The following SMARCD2 variants were observed in gnomAD, a reference collection of about 807,000 sequenced individuals.
The protein encoded by SMARCD2 is SWI/SNF related BAF chromatin remodeling complex subunit D2, also known as SWI/SNF-related matrix-associated actin-dependent regulator of chromatin subfamily D member 2.
SMARCD2 carries 39 observed loss-of-function variants against 70.4 expected under a neutral mutation model. That is an observed-to-expected ratio of 0.55 (90% confidence interval 0.43 to 0.72). The LOEUF (loss-of-function observed/expected upper bound fraction) is 0.72. SMARCD2 is among the 30% of genes least tolerant of loss of function. SMARCD2 has a pLI of 0.00. For synonymous variants in SMARCD2, 249 were observed against 279.4 expected (o/e 0.89, Z 1.08); for missense variants, 540 against 713.4 (o/e 0.76, Z 2.77).
rs2040283926 is a variant in SMARCD2 at position 63,837,662 on chromosome 17, G to A, written c.217-37C>T. On this transcript the variant is annotated intron_variant, in intron 1 of 12. Transcript: ENST00000448276. The surrounding 1 kb of genome is among the most constrained non-coding windows in gnomAD (Gnocchi z 6.4). ...GAGCCAACGGGGGTGCATAGGTCAGGGGCAAGGCCCTCCGGGACCCATAGC... is the reference window on the plus strand; with the variant it reads ...GAGCCAACGGGGGTGCATAGGTCAGAGGCAAGGCCCTCCGGGACCCATAGC... 1 of 1,579,990 alleles carries A rather than the reference G, an allele frequency of 6.3e-7. No individual in the cohort carries two copies. The highest frequency in any genetic ancestry group is 1.3e-5 in the African/African-American group (1 of 74,184).
intron 5 of SMARCD2, 92 bp downstream of exon 5, chr17:63,835,320 G>A: frequency 1.5e-6 from 2 of 1,339,906 alleles, no homozygotes; most frequent in South Asian, 2.8e-5. Context: ...ATGGGGTCTG[G>A]CTCTGCTGCT....
intron 4 of SMARCD2, among the ~76,000 whole-genome samples, chr17:63,836,581 T>G (rs2040269078): frequency 6.6e-6 from 1 of 151,510 alleles, no homozygotes; most frequent in Non-Finnish European, 1.5e-5. Context: ...TATCCCCTAG[T>G]CTAGTGGTTT....
chr17:63,836,895 G>A (rs1480062372), intron 4 of SMARCD2, 27 bp downstream of exon 4: 2 of 1,601,288 alleles, frequency 1.2e-6, no homozygotes, highest in Non-Finnish European at 1.7e-6. Context: ...ACCTGGGAAG[G>A]CTAGAGGTGG....
At position 63,837,150 on chromosome 17, in the gene SMARCD2, AG is replaced by A. The variant is rs1053674426; in HGVS notation, c.444+44del. On this transcript the variant is annotated intron_variant, in intron 3 of 12. Transcript: ENST00000448276. The surrounding 1 kb of genome is among the most constrained non-coding windows in gnomAD (Gnocchi z 6.4). Reference sequence around the variant, plus strand: ...TTGAGAGAGATGGACACCCACCCCAAGGTGGCCACTGGGCAGGCCTCCCAGG... The same window carrying A: ...TTGAGAGAGATGGACACCCACCCCAAGTGGCCACTGGGCAGGCCTCCCAGG... The A allele has an allele frequency of 1.9e-6, 3 of 1,609,202 alleles. No individual in the cohort carries two copies. The highest frequency in any genetic ancestry group is 2.6e-6 in the Non-Finnish European group (3 of 1,175,848).
At position 63,837,248 on chromosome 17, in the gene SMARCD2, C is replaced by G; in HGVS notation, c.402-11G>C. 1 of 1,613,332 alleles carries G rather than the reference C, an allele frequency of 6.2e-7. No individual in the cohort carries two copies. Among genetic ancestry groups the G allele is most frequent in the East Asian group, 2.2e-5 (1 of 44,860 alleles). On this transcript the variant is annotated splice_polypyrimidine_tract_variant and intron_variant, in intron 2 of 12. Transcript: ENST00000448276. This position sits in a 1 kb window ranked among gnomAD's most constrained non-coding sequence, Gnocchi z 6.4. ...TTCCTCCTCTTTAACCTGGGGAGGACAGAAACCCACTTAAGAGGTCAATGG... is the reference window on the plus strand; with the variant it reads ...TTCCTCCTCTTTAACCTGGGGAGGAGAGAAACCCACTTAAGAGGTCAATGG...
intron 1 of SMARCD2, among the ~76,000 whole-genome samples, chr17:63,841,992 C>G (rs977741825): frequency 6.6e-6 from 1 of 152,200 alleles, no homozygotes. Flanking sequence ...TATTAGCAGC[C>G]GGGAGCCATC....
At chr17:63,835,936 C>T (rs2040260143) in intron 4 of SMARCD2, among the ~76,000 whole-genome samples, 4 of 152,020 alleles carry the variant, frequency 2.6e-5, no homozygotes, top group Admixed American at 2.6e-4. Context: ...AACATGTTGG[C>T]CATGCTGGTC....
At position 63,834,688 on chromosome 17, in the gene SMARCD2, C is replaced by T. The variant is rs376507169; in HGVS notation, c.819+17G>A. ...AACCTGCACATCAGCCTGCTTTTGCCCCAGGCCCACTCTCACCTCCACCAG... is the reference window on the plus strand; with the variant it reads ...AACCTGCACATCAGCCTGCTTTTGCTCCAGGCCCACTCTCACCTCCACCAG... On this transcript the variant is annotated intron_variant, in intron 6 of 12. Transcript: ENST00000448276. This position sits in a 1 kb window ranked among gnomAD's most constrained non-coding sequence, Gnocchi z 5.6. 1.0e-5 allele frequency: 16 copies of T among 1,603,614 alleles called. No homozygotes were observed. The highest frequency in any genetic ancestry group is 1.7e-4 in the Middle Eastern group (1 of 6,046).
At position 63,834,578 on chromosome 17, in the gene SMARCD2, G is replaced by A. The variant is rs950120876; in HGVS notation, c.820-3C>T. 1 of 1,600,496 alleles carries A rather than the reference G, an allele frequency of 6.2e-7. No individual in the cohort carries two copies. The highest frequency in any genetic ancestry group is 8.5e-7 in the Non-Finnish European group (1 of 1,170,834). On this transcript the variant is annotated splice_polypyrimidine_tract_variant and splice_region_variant and intron_variant, in intron 6 of 12. Coordinates refer to ENST00000448276, the MANE Select transcript of SMARCD2 (RefSeq NM_001098426.2). This position sits in a 1 kb window ranked among gnomAD's most constrained non-coding sequence, Gnocchi z 5.6. ...TGGGTGGTGGGCATCCGGTGCCACT[G>A]GCAGGGAGGGAAGCATGGCTTATCA...
rs1904516840 is a variant in SMARCD2, at chr17:63,842,623, C to T, written c.52G>A (p.Gly18Ser). The stretch of plus-strand genomic sequence containing the variant: ...CCCAGGGCCGCAGCCACGGCGCCGC[C>T]GCCAGGGCTTAGCGGGGGCAGCGGG... Reference protein sequence around the residue: ...GFPLPPLSPGGGAVAAALGAP... With the variant: ...GFPLPPLSPGSGAVAAALGAP... The change falls in exon 1 of 13, where the codon GGC becomes AGC. Residue 18 changes from glycine to serine, a missense_variant. Coordinates refer to ENST00000448276, the MANE Select transcript of SMARCD2 (RefSeq NM_001098426.2). The T allele has an allele frequency of 3.2e-6, 4 of 1,238,528 alleles. No individual in the cohort carries two copies. Among genetic ancestry groups the T allele is most frequent in the Non-Finnish European group, 4.0e-6 (4 of 992,020 alleles). The allele number at this position is 1,238,528 out of a possible 1,614,324, so 76.7% of individuals were successfully genotyped here.
At chr17:63,841,388 G>A (rs758289644) in intron 1 of SMARCD2, among the ~76,000 whole-genome samples, 3 of 152,244 alleles carry the variant, frequency 2.0e-5, no homozygotes, top group African/African-American at 4.8e-5. Context: ...CGAAAACAGA[G>A]GAAGCCCACA....
At position 63,834,308 on chromosome 17, in the gene SMARCD2, G is replaced by T; in HGVS notation, c.942C>A (p.Asp314Glu). The T allele has an allele frequency of 6.2e-7, 1 of 1,612,504 alleles. No homozygotes were observed. The highest frequency in any genetic ancestry group is 8.5e-7 in the Non-Finnish European group (1 of 1,179,096). Residue 314 changes from aspartate to glutamate, a missense_variant, in exon 8 of 13, where the codon GAC becomes GAA. Asp to Glu is a conservative substitution (Grantham distance 45). Transcript: ENST00000448276. The surrounding 1 kb of genome is among the most constrained non-coding windows in gnomAD (Gnocchi z 5.6). ...CTCCCAGCAGCCTTGCCAATCGGGG[G>T]TCCAATTTGTACTGGGGAGGCTGGA... ...LDHQPPQYKLDPRLARLLGVH... is the reference protein window; with the variant it reads ...LDHQPPQYKLEPRLARLLGVH...
At chr17:63,835,629 G>C (rs140660161) in intron 4 of SMARCD2, 62 bp from the exon 5 acceptor site, 3 of 1,520,488 alleles carry the variant, frequency 2.0e-6, no homozygotes, top group African/African-American at 1.4e-5. Flanking sequence ...CAGTGCTACC[G>C]CATCTTCTCA....
In SMARCD2 at chr17:63,841,592, ACACTGAGCAG is replaced by A. The variant is rs138706136; in HGVS notation, c.216+857_216+866del. Among the ~76,000 whole-genome samples, 1,488 of 152,382 alleles carry A rather than the reference ACACTGAGCAG, an allele frequency of 9.8e-3. 17 individuals are homozygous for A. Among genetic ancestry groups the A allele is most frequent in the African/African-American group, 0.034 (1,426 of 41,590 alleles). ...GGCAGGGTCAGGCTGAGGTCCTCAC[ACACTGAGCAG>A]AAGTCGCTGCTTTGCAAGGGCTTTT... is the stretch of plus-strand genomic sequence containing the variant. On this transcript the variant is annotated intron_variant, in intron 1 of 12. Coordinates refer to ENST00000448276, the MANE Select transcript of SMARCD2 (RefSeq NM_001098426.2).
Position 63,832,804 on chromosome 17 carries a change from T to C in SMARCD2, c.*134A>G. ...ACAAGGAATCCTATCACTACATTTA[T>C]AAGACTAAAGCTGGAGAGTAGAGGG... On this transcript the variant is annotated 3_prime_UTR_variant, in exon 13 of 13. Coordinates refer to ENST00000448276, the MANE Select transcript of SMARCD2 (RefSeq NM_001098426.2). The C allele has an allele frequency of 2.6e-6, 2 of 760,188 alleles. No homozygotes were observed. The highest frequency in any genetic ancestry group is 4.5e-6 in the Non-Finnish European group (2 of 443,484). The allele number at this position is 760,188 out of a possible 1,614,324, so 47.1% of individuals were successfully genotyped here.
chr17:63,841,526 C>G (rs1197526565), intron 1 of SMARCD2, among the ~76,000 whole-genome samples: 1 of 152,244 alleles, frequency 6.6e-6, no homozygotes, highest in Non-Finnish European at 1.5e-5. Context: ...GGCACAGTTT[C>G]CAAGCCCTCT....
chr17:63,837,348 A>G lies in SMARCD2; in HGVS notation c.401+93T>C. 6.6e-7 allele frequency: 1 copy of G among 1,521,958 alleles called. No individual in the cohort carries two copies. The highest frequency in any genetic ancestry group is 9.1e-7 in the Non-Finnish European group (1 of 1,097,156). The allele number at this position is 1,521,958 out of a possible 1,614,324, so 94.3% of individuals were successfully genotyped here. A position where few individuals can be genotyped will look rare whatever the true frequency, so the allele number is the denominator to read the frequency against. ...CTCTCCCCCAGGAGAGCCTGGAGTC[A>G]TCCTCAGTCACCAAAGCTCTTAAGA... is the stretch of plus-strand genomic sequence containing the variant. On this transcript the variant is annotated intron_variant, in intron 2 of 12. Coordinates refer to ENST00000448276, the MANE Select transcript of SMARCD2 (RefSeq NM_001098426.2). This position sits in a 1 kb window ranked among gnomAD's most constrained non-coding sequence, Gnocchi z 6.4.
chr17:63,837,016 G>C lies in SMARCD2; in HGVS notation c.473C>G (p.Ala158Gly). ...CTCAAAAGCCAAGAGATCCATGTAC[G>C]CCTGAGACTCTGGAACAAGCTCCCG... ...RIRELVPESQ[A>G]YMDLLAFERK... The change falls in exon 4 of 13, where the codon GCG (alanine) becomes GGG (glycine). Residue 158 changes from alanine (A) to glycine (G), a missense_variant. Coordinates refer to ENST00000448276, the MANE Select transcript of SMARCD2 (RefSeq NM_001098426.2). The surrounding 1 kb of genome is among the most constrained non-coding windows in gnomAD (Gnocchi z 6.4). 6.2e-7 allele frequency: 1 copy of C among 1,613,714 alleles called. No individual in the cohort carries two copies. The highest frequency in any genetic ancestry group is 8.5e-7 in the Non-Finnish European group (1 of 1,179,614).
intron 1 of SMARCD2, among the ~76,000 whole-genome samples, chr17:63,841,373 T>C (rs1250398407): frequency 6.6e-6 from 1 of 152,210 alleles, no homozygotes; most frequent in Non-Finnish European, 1.5e-5. Context: ...CCTGGAGACA[T>C]GAGTCGAAAA....
Sources: gnomAD v4.1 joint callset for allele counts (sites outside exome capture counted in the v4.1 genomes callset) on GRCh38, gnomAD v4.1.1 for gene constraint, Gnocchi (gnomAD v3.1) non-coding constraint, MANE v1.5 for transcripts, NCBI Gene and HGNC (gene_info 2026-07-23, HGNC 2026-07-21) for gene names.